The following GRXCR2 variants were observed in gnomAD, a reference collection of about 807,000 sequenced individuals.
GRXCR2 encodes the protein glutaredoxin and cysteine rich domain containing 2.
GRXCR2 carries 23 observed loss-of-function variants against 24.8 expected under a neutral mutation model. The ratio of observed to expected loss-of-function variants is 0.93; its 90% CI spans 0.67 to 1.32. GRXCR2 has a LOEUF of 1.32. GRXCR2 is among the 40% of genes most tolerant of loss of function. The probability of loss-of-function intolerance (pLI) is 0.00; values close to 1 mark genes in which losing one functional copy is unlikely to be tolerated. For missense variants in GRXCR2, 315 were observed against 303.4 expected, an observed-to-expected ratio of 1.04 and a Z score of -0.28; for synonymous variants, 130 against 116.1, an observed-to-expected ratio of 1.12 and a Z score of -0.77.
At chr5:145,868,859 C>A (rs906733928) in intron 1 of GRXCR2, among the ~76,000 whole-genome samples, 1 of 152,222 alleles carries the variant, frequency 6.6e-6, no homozygotes, top group Non-Finnish European at 1.5e-5. Context: ...TAGGCAAATT[C>A]TTCCTTGTGT....
At chr5:145,925,986 G>T (rs1373562641) in intron 2 of GRXCR2, among the ~76,000 whole-genome samples, 2 of 152,138 alleles carry the variant, frequency 1.3e-5, no homozygotes, top group South Asian at 2.1e-4. Flanking sequence ...CAAGATTGTG[G>T]TTACCCAATT....
At chr5:145,920,584 C>T (rs2895643) in intron 2 of GRXCR2, among the ~76,000 whole-genome samples, 1 of 152,100 alleles carries the variant, frequency 6.6e-6, no homozygotes, top group African/African-American at 2.4e-5. Context: ...ACTCAAGTTC[C>T]CTCTTCCCCA....
intron 2 of GRXCR2, among the ~76,000 whole-genome samples, chr5:145,912,486 C>T (rs1339119124): frequency 6.6e-6 from 1 of 152,158 alleles, no homozygotes; most frequent in African/African-American, 2.4e-5. Context: ...AACCCCTGCC[C>T]TCGTGGAGCT....
chr5:145,911,813 G>A (rs1001213663), intron 2 of GRXCR2, among the ~76,000 whole-genome samples: 2 of 152,196 alleles, frequency 1.3e-5, no homozygotes, highest in African/African-American at 4.8e-5. Flanking sequence ...ATCTGACCAG[G>A]CGCTGTGGCT....
chr5:145,865,150 T>C (rs948411852), intron 2 of GRXCR2, among the ~76,000 whole-genome samples: 6 of 152,110 alleles, frequency 3.9e-5, no homozygotes, highest in Non-Finnish European at 5.9e-5. Context: ...GAGACATCAC[T>C]CAAGTTCCAG....
intron 2 of GRXCR2, among the ~76,000 whole-genome samples, chr5:145,896,599 G>A (rs1220308981): frequency 6.6e-6 from 1 of 152,166 alleles, no homozygotes; most frequent in Non-Finnish European, 1.5e-5. Flanking sequence ...TCTCACACCA[G>A]TTAGAATGGC....
At chr5:145,872,374 A>G (rs1273574222) in intron 1 of GRXCR2, among the ~76,000 whole-genome samples, 1 of 152,212 alleles carries the variant, frequency 6.6e-6, no homozygotes, top group Non-Finnish European at 1.5e-5. Flanking sequence ...ACTCAGTCAA[A>G]GATCCAATTA....
chr5:145,866,480 C>T, intron 2 of GRXCR2, 21 bp downstream of exon 2: 4 of 1,576,632 alleles, frequency 2.5e-6, no homozygotes, highest in South Asian at 1.1e-5. Context: ...CCGAGCAGGA[C>T]AGTCAAGCTC....
At chr5:145,867,135 GA>G (rs1250031310) in intron 1 of GRXCR2, among the ~76,000 whole-genome samples, 1 of 152,140 alleles carries the variant, frequency 6.6e-6, no homozygotes, top group Admixed American at 6.5e-5. Flanking sequence ...AATATTAGTA[GA>G]TACCATTTAC....
At chr5:145,887,666 T>C (rs1756796976) in intron 2 of GRXCR2, among the ~76,000 whole-genome samples, 1 of 152,222 alleles carries the variant, frequency 6.6e-6, no homozygotes, top group Non-Finnish European at 1.5e-5. Context: ...TTATTTTATT[T>C]TATTAGTGGG....
intron 2 of GRXCR2, among the ~76,000 whole-genome samples, chr5:145,924,652 A>G (rs2149929650): frequency 6.6e-6 from 1 of 152,310 alleles, no homozygotes; most frequent in East Asian, 1.9e-4. Context: ...GCCTGAGTGT[A>G]AGTTCCGAGT....
chr5:145,919,713 G>A (rs959346175), intron 2 of GRXCR2, among the ~76,000 whole-genome samples: 15 of 152,012 alleles, frequency 9.9e-5, no homozygotes, highest in Admixed American at 7.9e-4. Context: ...TTTGTCATCC[G>A]CCTTCTAAAA....
chr5:145,907,692 T>C (rs971942421), intron 2 of GRXCR2, among the ~76,000 whole-genome samples: 1 of 150,844 alleles, frequency 6.6e-6, no homozygotes, highest in Non-Finnish European at 1.5e-5. Context: ...CCAATAGGAG[T>C]TCCTGGTGAA....
At chr5:145,870,984 T>A (rs1359608232) in intron 1 of GRXCR2, among the ~76,000 whole-genome samples, 1 of 152,014 alleles carries the variant, frequency 6.6e-6, no homozygotes, top group Non-Finnish European at 1.5e-5. Flanking sequence ...GGCAGGAGGA[T>A]CCCTTGAGCC....
At chr5:145,926,271 T>G (rs563494505) in intron 2 of GRXCR2, among the ~76,000 whole-genome samples, 1 of 152,290 alleles carries the variant, frequency 6.6e-6, no homozygotes, top group Admixed American at 6.5e-5. Context: ...TCAACTGTAA[T>G]GCATAAGCTA....
chr5:145,918,136 C>T (rs1757266297), intron 2 of GRXCR2, among the ~76,000 whole-genome samples: 1 of 152,198 alleles, frequency 6.6e-6, no homozygotes, highest in Admixed American at 6.5e-5. Context: ...CCCGTGATTG[C>T]CACTTTTCAG....
intron 2 of GRXCR2, among the ~76,000 whole-genome samples, chr5:145,897,147 G>T: frequency 9.7e-6 from 1 of 103,348 alleles, no homozygotes; most frequent in African/African-American, 3.8e-5. Flanking sequence ...GGTGGGGGGA[G>T]GGACAGCATT....
At chr5:145,920,611 G>A (rs1254989412) in intron 2 of GRXCR2, among the ~76,000 whole-genome samples, 2 of 152,112 alleles carry the variant, frequency 1.3e-5, no homozygotes, top group Non-Finnish European at 2.9e-5. Flanking sequence ...TTTCCTTACT[G>A]ATGAAAACCA....
chr5:145,892,168 C>T (rs1189760228), intron 2 of GRXCR2, among the ~76,000 whole-genome samples: 1 of 152,098 alleles, frequency 6.6e-6, no homozygotes, highest in Non-Finnish European at 1.5e-5. Flanking sequence ...GTAGATAAAA[C>T]CACAAAGATA....
Sources: allele counts gnomAD v4.1 joint callset (sites outside exome capture counted in the v4.1 genomes callset), GRCh38; gene constraint gnomAD v4.1.1; transcripts MANE v1.5; gene names NCBI Gene and HGNC (gene_info 2026-07-23, HGNC 2026-07-21).